Variants in DMBT1 observed in about 807,000 individuals in gnomAD.
DMBT1 encodes the protein deleted in malignant brain tumors 1, also known as scavenger receptor cysteine-rich domain-containing protein DMBT1.
In DMBT1, 198 loss-of-function variants were observed where a neutral mutation model predicts 252.9. The observed-to-expected ratio is 0.78, with a 90% CI of 0.70 to 0.88. The LOEUF (loss-of-function observed/expected upper bound fraction) is 0.88. DMBT1 is among the 40% of genes least tolerant of loss of function. The pLI, the probability that DMBT1 is intolerant of heterozygous loss-of-function variation, is 0.00. For synonymous variants in DMBT1, 990 were observed against 942.7 expected (o/e 1.05, Z -0.92); for missense variants, 2,432 against 2,404.7 (o/e 1.01, Z -0.24).
intron 52 of DMBT1, among the ~76,000 whole-genome samples, chr10:122,634,442 C>G (rs1362319070): frequency 1.7e-5 from 1 of 60,060 alleles, no homozygotes. Context: ...CTCTCTCTCT[C>G]TCTCTCTCTC....
At chr10:122,590,085 A>G (rs2133581395) in intron 17 of DMBT1, among the ~76,000 whole-genome samples, 1 of 148,738 alleles carries the variant, frequency 6.7e-6, no homozygotes, top group East Asian at 2.1e-4. Context: ...CCAAAGGCTT[A>G]TGCTGGGAAG....
intron 3 of DMBT1, among the ~76,000 whole-genome samples, 162 bp from the exon 4 acceptor site, chr10:122,570,728 A>G (rs1179530564): frequency 6.6e-6 from 1 of 152,146 alleles, no homozygotes; most frequent in Non-Finnish European, 1.5e-5. Context: ...GCCTGGAGCC[A>G]GTACGGTAAC....
intron 50 of DMBT1, 127 bp downstream of exon 50, chr10:122,632,002 C>T: frequency 9.3e-7 from 1 of 1,077,282 alleles, no homozygotes; most frequent in South Asian, 1.3e-5. Context: ...CTCTACAGCC[C>T]CTGTCCCCTC....
rs776344618 is a variant in DMBT1 at position 122,576,525 on chromosome 10, A to G, written c.410A>G (p.Asn137Ser). ...CDDSWDTNDA[N>S]VVCRQLGCGW... ...GACAGCTGGGACACCAATGATGCCAACGTGGTCTGTAGGCAGCTGGGTTGT... is the reference window on the plus strand; with the variant it reads ...GACAGCTGGGACACCAATGATGCCAGCGTGGTCTGTAGGCAGCTGGGTTGT... Residue 137 changes from asparagine to serine, a missense_variant, in exon 7 of 56, where the codon AAC becomes AGC. Physicochemically the swap from Asn to Ser is conservative, Grantham distance 46. Around this residue, in one of 3 missense-constraint regions of DMBT1, gnomAD observed 1,264 missense variants for 1,082.2 expected, o/e 1.17. Coordinates refer to ENST00000338354, the MANE Select transcript of DMBT1 (RefSeq NM_001377530.1). 6.2e-7 allele frequency: 1 copy of G among 1,613,984 alleles called. No homozygotes were observed. The highest frequency in any genetic ancestry group is 8.5e-7 in the Non-Finnish European group (1 of 1,179,882).
chr10:122,633,929 T>C (rs542042765), intron 52 of DMBT1, among the ~76,000 whole-genome samples: 48 of 151,202 alleles, frequency 3.2e-4, no homozygotes, highest in African/African-American at 1.1e-3. Flanking sequence ...AATGCAGGAG[T>C]TCAAGACCAG....
intron 40 of DMBT1, 74 bp downstream of exon 40, chr10:122,617,334 AG>A (rs2097998561): frequency 3.3e-6 from 5 of 1,535,944 alleles, no homozygotes; most frequent in Middle Eastern, 1.7e-4. Flanking sequence ...TGATAGGATG[AG>A]GCTCAAGGTG....
intron 54 of DMBT1, among the ~76,000 whole-genome samples, chr10:122,638,245 G>A (rs1425365674): frequency 6.6e-6 from 1 of 152,082 alleles, no homozygotes; most frequent in Non-Finnish European, 1.5e-5. Context: ...TGCCAAGTGA[G>A]CAGCCTGGAG....
chr10:122,632,890 A>G lies in DMBT1; in HGVS notation c.6397A>G (p.Thr2133Ala). The change falls in exon 51 of 56, where the codon ACA becomes GCA. Residue 2133 changes from threonine to alanine, a missense_variant and splice_region_variant. By Grantham distance (58) the Thr-to-Ala change is moderately conservative (BLOSUM62 0). Transcript: ENST00000338354. ...APFLNITRPN[T>A]DYSCGGFLSQ... ...TTTTCTCAACATCACCCGTCCAAAC[A>G]GTAAGTTCTGAGCTCCCTGACAAGT... 1 of 1,613,832 alleles carries G rather than the reference A, an allele frequency of 6.2e-7. No homozygotes were observed. Among genetic ancestry groups the G allele is most frequent in the Non-Finnish European group, 8.5e-7 (1 of 1,179,852 alleles).
In DMBT1 at chr10:122,620,198, GT is replaced by G. The variant is rs150190156; in HGVS notation, c.5246-54del. 6.9e-3 allele frequency: 10,862 copies of G among 1,571,848 alleles called. 454 individuals are homozygous for G. In the East Asian group the frequency reaches 0.12, roughly 17 times the overall value. On this transcript the variant is annotated intron_variant, in intron 42 of 55. Transcript: ENST00000338354. Reference sequence around the variant, plus strand: ...TTGCCTGGTTCAGAGATTTTTTTTTGTAGCTTTCCTCCCTCAAGTCTAATTT... The same window carrying G: ...TTGCCTGGTTCAGAGATTTTTTTTTGAGCTTTCCTCCCTCAAGTCTAATTT...
chr10:122,641,882 T>C (rs1047201870), intron 55 of DMBT1, among the ~76,000 whole-genome samples: 75 of 152,140 alleles, frequency 4.9e-4, no homozygotes, highest in African/African-American at 1.7e-3. Context: ...TAGAATGACC[T>C]GGGGCTCCAA....
intron 26 of DMBT1, 31 bp from the exon 27 acceptor site, chr10:122,600,033 C>T (rs771495012): frequency 8.1e-6 from 13 of 1,607,996 alleles, no homozygotes; most frequent in Non-Finnish European, 1.1e-5. Flanking sequence ...TGTAATGTTC[C>T]TGATCTGACC....
chr10:122,562,083 C>T (rs2097552266), intron 1 of DMBT1, among the ~76,000 whole-genome samples: 1 of 150,784 alleles, frequency 6.6e-6, no homozygotes, highest in South Asian at 2.1e-4. Flanking sequence ...CTCCCTATTT[C>T]TCTCTCTCTC....
intron 46 of DMBT1, among the ~76,000 whole-genome samples, chr10:122,626,607 G>A (rs1010349512): frequency 2.6e-5 from 4 of 152,176 alleles, no homozygotes; most frequent in African/African-American, 9.7e-5. Context: ...AACTTTTACT[G>A]TGTTAGGTAT....
intron 52 of DMBT1, 48 bp from the exon 53 acceptor site, chr10:122,635,943 C>A: frequency 6.2e-7 from 1 of 1,604,978 alleles, no homozygotes; most frequent in Non-Finnish European, 8.5e-7. Context: ...CCCCCTGCGT[C>A]AAATTCTGGG....
chr10:122,590,794 T>G (rs1165124967), intron 18 of DMBT1, 100 bp downstream of exon 18: 2 of 1,409,232 alleles, frequency 1.4e-6, no homozygotes, highest in Non-Finnish European at 2.0e-6. Context: ...GTGTGGATAC[T>G]GTGGGTCATA....
chr10:122,598,881 T>G lies in DMBT1; in HGVS notation c.3064T>G (p.Trp1022Gly), dbSNP rs761672252. The change falls in exon 26 of 56, where the codon TGG (tryptophan) becomes GGG (glycine). Residue 1022 changes from tryptophan (W) to glycine (G), a missense_variant. Physicochemically the swap from Trp to Gly is radical, Grantham distance 184. Transcript: ENST00000338354. ...GSWGTVCDDS[W>G]DTNDANVVCR... ...CTGGGGCACCGTGTGCGATGACAGCTGGGACACCAATGATGCCAATGTCGT... is the reference window on the plus strand; with the variant it reads ...CTGGGGCACCGTGTGCGATGACAGCGGGGACACCAATGATGCCAATGTCGT... 1 of 1,613,874 alleles carries G rather than the reference T, an allele frequency of 6.2e-7. No individual in the cohort carries two copies. The highest frequency in any genetic ancestry group is 1.3e-5 in the African/African-American group (1 of 75,060).
At chr10:122,634,087 A>G (rs1036225939) in intron 52 of DMBT1, among the ~76,000 whole-genome samples, 1 of 152,212 alleles carries the variant, frequency 6.6e-6, no homozygotes, top group Non-Finnish European at 1.5e-5. Context: ...GTGGTGAACT[A>G]TGATAGCGCC....
intron 52 of DMBT1, 83 bp downstream of exon 52, chr10:122,633,424 A>C: frequency 1.9e-6 from 3 of 1,565,838 alleles, no homozygotes; most frequent in Non-Finnish European, 2.6e-6. Flanking sequence ...TGCGCCCAGA[A>C]GAATGCCTTG....
At chr10:122,600,814 AC>A (rs1363526982) in intron 27 of DMBT1, among the ~76,000 whole-genome samples, 176 bp from the exon 28 acceptor site, 1 of 152,136 alleles carries the variant, frequency 6.6e-6, no homozygotes, top group East Asian at 1.9e-4. Flanking sequence ...CTCCAGCAGG[AC>A]CTTTGTCCGT....
Sources: gnomAD v4.1 joint callset for allele counts (sites outside exome capture counted in the v4.1 genomes callset) on GRCh38, gnomAD v4.1.1 for gene constraint, gnomAD v4.1.1 regional missense constraint, MANE v1.5 for transcripts, NCBI Gene and HGNC (gene_info 2026-07-23, HGNC 2026-07-21) for gene names.